Variants in IL1RAPL2 observed in about 807,000 individuals in gnomAD.
IL1RAPL2 encodes X-linked interleukin-1 receptor accessory protein-like 2.
IL1RAPL2 carries 3 observed loss-of-function variants against 44.1 expected under a neutral mutation model. The observed-to-expected ratio is 0.07, with a 90% CI of 0.03 to 0.18. The LOEUF is 0.18. IL1RAPL2 is among the 10% of genes least tolerant of loss of function. IL1RAPL2 has a pLI of 1.00. For synonymous variants in IL1RAPL2, 181 were observed against 178.8 expected, an observed-to-expected ratio of 1.01 and a Z score of -0.10; for missense variants, 391 against 496.4, an observed-to-expected ratio of 0.79 and a Z score of 2.02.
intron 6 of IL1RAPL2, among the ~76,000 whole-genome samples, chrX:105,533,476 G>A (rs935563813): frequency 3.4e-4 from 38 of 111,662 alleles, no homozygotes; most frequent in Non-Finnish European, 5.6e-4. Context: ...TACCATTTGT[G>A]TTCATGTGTG....
At chrX:105,067,139 C>G (rs1188580730) in intron 2 of IL1RAPL2, among the ~76,000 whole-genome samples, 1 of 112,045 alleles carries the variant, frequency 8.9e-6, no homozygotes. Flanking sequence ...AGTCATCAGT[C>G]TCTAGGCTGG....
chrX:105,166,080 G>T (rs772789016), intron 2 of IL1RAPL2, among the ~76,000 whole-genome samples: 3 of 111,674 alleles, frequency 2.7e-5, no homozygotes, highest in African/African-American at 9.7e-5. Context: ...ATTATATGGA[G>T]AAATCATATT....
intron 2 of IL1RAPL2, among the ~76,000 whole-genome samples, chrX:104,705,719 A>G (rs1287027443): frequency 1.8e-5 from 2 of 111,611 alleles, no homozygotes; most frequent in Non-Finnish European, 3.8e-5. Flanking sequence ...AGCCCCAGCT[A>G]AACTGGAGGC....
intron 6 of IL1RAPL2, among the ~76,000 whole-genome samples, chrX:105,653,168 T>C (rs2037653097): frequency 9.0e-6 from 1 of 111,711 alleles, no homozygotes; most frequent in Non-Finnish European, 1.9e-5. Context: ...ACGGAAAATA[T>C]AGCTTCTGAA....
intron 1 of IL1RAPL2, among the ~76,000 whole-genome samples, chrX:104,655,282 C>T (rs1930233052): frequency 9.0e-6 from 1 of 111,594 alleles, no homozygotes; most frequent in Non-Finnish European, 1.9e-5. Context: ...AGTTTTTGCC[C>T]ATTCAGTATG....
intron 2 of IL1RAPL2, among the ~76,000 whole-genome samples, chrX:104,699,413 G>T (rs1458208166): frequency 9.0e-6 from 1 of 111,400 alleles, no homozygotes; most frequent in Non-Finnish European, 1.9e-5. Flanking sequence ...TCCCTCACAT[G>T]CATGCACAGT....
intron 6 of IL1RAPL2, among the ~76,000 whole-genome samples, chrX:105,542,144 C>T (rs1468354844): frequency 8.9e-6 from 1 of 112,169 alleles, no homozygotes; most frequent in African/African-American, 3.2e-5. Flanking sequence ...AGCTTCAATG[C>T]TTTTCCACCT....
At chrX:105,300,479 T>C (rs1187114815) in intron 5 of IL1RAPL2, among the ~76,000 whole-genome samples, 1 of 110,615 alleles carries the variant, frequency 9.0e-6, no homozygotes, top group Non-Finnish European at 1.9e-5. Flanking sequence ...CATGAGAAAT[T>C]CACCCCAATG....
At chrX:104,862,892 A>T (rs1191531721) in intron 2 of IL1RAPL2, among the ~76,000 whole-genome samples, 1 of 111,611 alleles carries the variant, frequency 9.0e-6, no homozygotes, top group Non-Finnish European at 1.9e-5. Flanking sequence ...TGTTAGGAAG[A>T]TTATTCTAGG....
At chrX:105,277,609 G>A (rs2147661710) in intron 5 of IL1RAPL2, among the ~76,000 whole-genome samples, 1 of 111,305 alleles carries the variant, frequency 9.0e-6, no homozygotes, top group South Asian at 3.8e-4. Context: ...GACTGATAAA[G>A]ACCAAAAATG....
At chrX:105,559,562 A>T (rs2036918883) in intron 6 of IL1RAPL2, among the ~76,000 whole-genome samples, 1 of 111,462 alleles carries the variant, frequency 9.0e-6, no homozygotes, top group South Asian at 3.8e-4. Context: ...TATATAGGGG[A>T]ATCTCTGGAG....
At chrX:105,410,779 A>C (rs1412060339) in intron 5 of IL1RAPL2, among the ~76,000 whole-genome samples, 2 of 112,123 alleles carry the variant, frequency 1.8e-5, no homozygotes, top group Non-Finnish European at 3.8e-5. Flanking sequence ...TAAGGGATTC[A>C]TACATCTGGA....
chrX:104,769,723 T>C lies in IL1RAPL2; in HGVS notation c.82+110728T>C, dbSNP rs774635227. On this transcript the variant is annotated intron_variant, in intron 2 of 10. Coordinates refer to ENST00000372582, the MANE Select transcript of IL1RAPL2 (RefSeq NM_017416.2). The stretch of plus-strand genomic sequence containing the variant: ...TTGGAATCACATTTATGTTGTCCAG[T>C]TGTGTATTCACAACTGTGAGTCTGC... 2.7e-5 allele frequency among the ~76,000 whole-genome samples: 3 copies of C among 112,058 alleles called. No homozygotes were observed. In the East Asian group the frequency reaches 8.5e-4, roughly 32 times the overall value.
At chrX:104,885,944 G>A (rs1318272811) in intron 2 of IL1RAPL2, among the ~76,000 whole-genome samples, 3 of 112,944 alleles carry the variant, frequency 2.7e-5, no homozygotes, top group Non-Finnish European at 3.8e-5. Flanking sequence ...CAACAGGACC[G>A]AGGGTGCCCG....
chrX:104,998,253 A>C (rs1445298278), intron 2 of IL1RAPL2, among the ~76,000 whole-genome samples: 1 of 111,774 alleles, frequency 8.9e-6, no homozygotes, highest in Non-Finnish European at 1.9e-5. Context: ...AAGTGAGGAC[A>C]GAGAATTTCT....
intron 2 of IL1RAPL2, among the ~76,000 whole-genome samples, chrX:105,132,391 A>G (rs2033036293): frequency 2.7e-5 from 3 of 111,057 alleles, no homozygotes; most frequent in Non-Finnish European, 5.7e-5. Context: ...TTCATTTAAG[A>G]TAATTTCGCC....
At chrX:105,585,852 T>C (rs1216821884) in intron 6 of IL1RAPL2, among the ~76,000 whole-genome samples, 1 of 112,456 alleles carries the variant, frequency 8.9e-6, no homozygotes, top group Non-Finnish European at 1.9e-5. Flanking sequence ...TTTATAATAG[T>C]ATGATTTATA....
chrX:105,160,572 A>AT (rs2033314378), intron 2 of IL1RAPL2, among the ~76,000 whole-genome samples: 1 of 110,414 alleles, frequency 9.1e-6, no homozygotes, highest in South Asian at 3.9e-4. Flanking sequence ...TGGAAAAAAA[A>AT]ATATATTAAA....
intron 1 of IL1RAPL2, among the ~76,000 whole-genome samples, chrX:104,601,842 G>T (rs1372374821): frequency 8.9e-6 from 1 of 111,983 alleles, no homozygotes; most frequent in Non-Finnish European, 1.9e-5. Flanking sequence ...ATTCTGCAAA[G>T]AACTTAAAAC....
Sources: allele counts gnomAD v4.1 joint callset (sites outside exome capture counted in the v4.1 genomes callset), GRCh38; gene constraint gnomAD v4.1.1; transcripts MANE v1.5; gene names NCBI Gene and HGNC (gene_info 2026-07-23, HGNC 2026-07-21).